Variants in AHI1 observed in about 807,000 individuals in gnomAD.
AHI1 encodes jouberin.
A neutral mutation model predicts 149.3 loss-of-function variants in AHI1; 123 were observed. The observed-to-expected ratio is 0.82, with a 90% CI of 0.71 to 0.96. The LOEUF (loss-of-function observed/expected upper bound fraction) is 0.96, where lower values mean the gene tolerates loss of function less well. AHI1 is among the 40% of genes least tolerant of loss of function. The pLI, the probability that AHI1 is intolerant of heterozygous loss-of-function variation, is 0.00. For synonymous variants in AHI1, 475 were observed against 459.8 expected (o/e 1.03, Z -0.42); for missense variants, 1,439 against 1,422.7 (o/e 1.01, Z -0.18).
In AHI1 at chr6:135,285,229, A is replaced by G. The variant is rs983291694; in HGVS notation, c.*416T>C. On this transcript the variant is annotated 3_prime_UTR_variant, in exon 29 of 29. Coordinates refer to ENST00000265602, the MANE Select transcript of AHI1 (RefSeq NM_001134831.2). ...AAAACAGATACTTCATATTCTGGGC[A>G]TAGCATCACACATACAACCATTACC... is the stretch of plus-strand genomic sequence containing the variant. The G allele has an allele frequency of 5.2e-6, 1 of 190,578 alleles. No homozygotes were observed. Among genetic ancestry groups the G allele is most frequent in the African/African-American group, 2.5e-5 (1 of 40,278 alleles). 11.8% of individuals were successfully genotyped at this position (190,578 alleles called of 1,614,324 possible). A position where few individuals can be genotyped will look rare whatever the true frequency, so the allele number is the denominator to read the frequency against.
intron 23 of AHI1, among the ~76,000 whole-genome samples, chr6:135,378,552 A>G (rs1776268826): frequency 6.6e-6 from 1 of 152,236 alleles, no homozygotes; most frequent in Admixed American, 6.5e-5. Flanking sequence ...AAAGCCTGCC[A>G]CATATTTATT....
At chr6:135,356,356 G>A (rs564209646) in intron 24 of AHI1, among the ~76,000 whole-genome samples, 2 of 152,260 alleles carry the variant, frequency 1.3e-5, no homozygotes, top group South Asian at 2.1e-4. Flanking sequence ...ATAGGTTCAA[G>A]GATGGAAATT....
At chr6:135,427,402 T>G (rs1003606624) in intron 19 of AHI1, 95 bp from the exon 20 acceptor site, 30 of 1,093,928 alleles carry the variant, frequency 2.7e-5, no homozygotes, top group Non-Finnish European at 3.8e-5. Flanking sequence ...TAGAAAATAT[T>G]TATAGCAATG....
chr6:135,329,621 C>G (rs1788228187), intron 24 of AHI1, among the ~76,000 whole-genome samples: 1 of 152,200 alleles, frequency 6.6e-6, no homozygotes, highest in Non-Finnish European at 1.5e-5. Context: ...TTCATGCCAG[C>G]TACAACAACA....
chr6:135,410,533 T>A (rs535961892), intron 21 of AHI1, among the ~76,000 whole-genome samples: 1 of 152,204 alleles, frequency 6.6e-6, no homozygotes, highest in African/African-American at 2.4e-5. Flanking sequence ...AACCATAGTT[T>A]TCACCTATCT....
At chr6:135,415,756 C>T (rs1170454289) in intron 20 of AHI1, among the ~76,000 whole-genome samples, 3 of 152,100 alleles carry the variant, frequency 2.0e-5, no homozygotes, top group African/African-American at 7.2e-5. Flanking sequence ...GTTACAACCC[C>T]AATGTCCATT....
chr6:135,368,454 G>A (rs1774513904), intron 23 of AHI1, among the ~76,000 whole-genome samples: 1 of 152,142 alleles, frequency 6.6e-6, no homozygotes, highest in South Asian at 2.1e-4. Context: ...GCTCCCAAGA[G>A]ATTATATCCT....
At chr6:135,338,726 A>T (rs1351864752) in intron 24 of AHI1, among the ~76,000 whole-genome samples, 1 of 152,214 alleles carries the variant, frequency 6.6e-6, no homozygotes, top group Non-Finnish European at 1.5e-5. Context: ...CTCTATTCTT[A>T]TCATCCCCTT....
In AHI1 at chr6:135,341,612, A is replaced by C. The variant is rs548816665; in HGVS notation, c.3165+16520T>G. ...TTATTTAAATAAATAAATTTTAAAA[A>C]CCTGAAAGCACAGAAAGTATGTTCT... On this transcript the variant is annotated intron_variant, in intron 24 of 28. Transcript: ENST00000265602. 1.9e-3 allele frequency among the ~76,000 whole-genome samples: 282 copies of C among 152,112 alleles called. 1 individual carries two copies. The highest frequency in any genetic ancestry group is 6.6e-3 in the African/African-American group (274 of 41,580).
chr6:135,312,365 T>G (rs996464622), intron 26 of AHI1, among the ~76,000 whole-genome samples: 2 of 151,912 alleles, frequency 1.3e-5, no homozygotes, highest in Non-Finnish European at 1.5e-5. Context: ...AATACAAAAA[T>G]TAGCCAGGCA....
intron 23 of AHI1, among the ~76,000 whole-genome samples, chr6:135,370,244 T>C (rs1297381934): frequency 6.6e-6 from 1 of 152,204 alleles, no homozygotes; most frequent in Non-Finnish European, 1.5e-5. Flanking sequence ...GACTGGGCTG[T>C]TGCTTAGTTA....
chr6:135,403,486 T>G (rs1170935444), intron 22 of AHI1, among the ~76,000 whole-genome samples: 1 of 152,176 alleles, frequency 6.6e-6, no homozygotes, highest in Non-Finnish European at 1.5e-5. Flanking sequence ...CCTTCACCCT[T>G]GGGGAGTTTC....
At chr6:135,387,392 G>A (rs1443812182) in intron 23 of AHI1, among the ~76,000 whole-genome samples, 3 of 152,126 alleles carry the variant, frequency 2.0e-5, no homozygotes, top group Admixed American at 6.5e-5. Flanking sequence ...CCGAACCCAT[G>A]CCCTGTAGAT....
chr6:135,466,501 T>C (rs1279192429), intron 6 of AHI1, 128 bp from the exon 7 acceptor site: 2 of 831,446 alleles, frequency 2.4e-6, no homozygotes, highest in South Asian at 1.8e-5. Flanking sequence ...CATCTGGACA[T>C]AGTGACACTA....
At chr6:135,394,407 T>C (rs1365975122) in intron 23 of AHI1, among the ~76,000 whole-genome samples, 1 of 152,076 alleles carries the variant, frequency 6.6e-6, no homozygotes, top group Non-Finnish European at 1.5e-5. Context: ...TCTGCCAAAA[T>C]GTATTTTACC....
intron 5 of AHI1, 132 bp from the exon 6 acceptor site, chr6:135,467,766 C>T: frequency 1.7e-6 from 1 of 584,050 alleles, no homozygotes; most frequent in East Asian, 2.9e-5. Context: ...CATAGTGATA[C>T]TATCTTAGAG....
intron 23 of AHI1, among the ~76,000 whole-genome samples, chr6:135,364,073 ACCC>A (rs1276261068): frequency 1.5e-5 from 2 of 136,292 alleles, no homozygotes; most frequent in Admixed American, 1.4e-4. Context: ...CGGGGGGCTG[ACCC>A]CCCCACCTCC....
chr6:135,382,952 T>C (rs1278640427), intron 23 of AHI1, among the ~76,000 whole-genome samples: 99 of 83,988 alleles, frequency 1.2e-3, no homozygotes, highest in East Asian at 3.7e-3. Context: ...TATATATATA[T>C]ATACATATAA....
At chr6:135,300,865 C>A in intron 26 of AHI1, 1 of 1,062,256 alleles carries the variant, frequency 9.4e-7, no homozygotes, top group Non-Finnish European at 1.1e-6. Context: ...ATTAATCTCC[C>A]AATACAATGT....
Sources: gnomAD v4.1 joint callset for allele counts (sites outside exome capture counted in the v4.1 genomes callset) on GRCh38, gnomAD v4.1.1 for gene constraint, MANE v1.5 for transcripts, NCBI Gene and HGNC (gene_info 2026-07-23, HGNC 2026-07-21) for gene names.